Variants in COX16 observed in about 807,000 individuals in gnomAD.
The protein encoded by COX16 is cytochrome c oxidase assembly protein COX16 homolog, mitochondrial.
A neutral mutation model predicts 15.4 loss-of-function variants in COX16; 12 were observed. That is an observed-to-expected ratio of 0.78 (90% CI 0.50 to 1.26). The LOEUF is 1.26. COX16 is among the 50% of genes most tolerant of loss of function. COX16 has a pLI of 0.00. For synonymous variants in COX16, 46 were observed against 41.1 expected, an observed-to-expected ratio of 1.12 and a Z score of -0.46; for missense variants, 124 against 127.6, an observed-to-expected ratio of 0.97 and a Z score of 0.14.
intron 1 of COX16, among the ~76,000 whole-genome samples, chr14:70,343,629 G>A (rs1439822260): frequency 1.3e-5 from 2 of 152,124 alleles, no homozygotes; most frequent in Non-Finnish European, 2.9e-5. Flanking sequence ...GGCTATACAG[G>A]TCACAGGTAA....
At chr14:70,359,451 C>T in intron 1 of COX16, 68 bp downstream of exon 1, 1 of 1,398,656 alleles carries the variant, frequency 7.1e-7, no homozygotes. Flanking sequence ...CAGATTCCCT[C>T]CCAGGTCTTG....
chr14:70,332,038 T>A (rs1374746074), intron 2 of COX16, among the ~76,000 whole-genome samples: 1 of 152,240 alleles, frequency 6.6e-6, no homozygotes, highest in Admixed American at 6.5e-5. Context: ...AGTTCAAGCC[T>A]GGAAACAGCC....
chr14:70,329,052 T>A (rs56128802), intron 3 of COX16, 122 bp downstream of exon 3: 641,502 of 749,212 alleles, frequency 0.86, 274,974 homozygotes, highest in African/African-American at 0.91. Flanking sequence ...TTTCAAATGA[T>A]TATAGTTTAT....
chr14:70,356,947 T>C (rs1213082736), intron 1 of COX16, among the ~76,000 whole-genome samples: 7 of 151,996 alleles, frequency 4.6e-5, no homozygotes, highest in Admixed American at 1.3e-4. Context: ...GTAACAACCA[T>C]GAAAACCAAC....
intron 1 of COX16, among the ~76,000 whole-genome samples, chr14:70,350,054 A>T (rs549969911): frequency 1.3e-5 from 2 of 152,296 alleles, no homozygotes; most frequent in East Asian, 3.9e-4. Flanking sequence ...TTATTGAGAA[A>T]GTCATCCCTT....
intron 2 of COX16, among the ~76,000 whole-genome samples, chr14:70,334,539 C>A (rs566162544): frequency 1.6e-3 from 244 of 152,216 alleles, no homozygotes; most frequent in Non-Finnish European, 2.5e-3. Flanking sequence ...ATTGTAACAT[C>A]AAAAATTCAA....
At chr14:70,336,663 A>G (rs999287910) in intron 2 of COX16, among the ~76,000 whole-genome samples, 1 of 152,220 alleles carries the variant, frequency 6.6e-6, no homozygotes, top group Non-Finnish European at 1.5e-5. Context: ...CGAGGAACTG[A>G]CTGTATTATT....
At chr14:70,339,167 T>G (rs1433180346) in intron 2 of COX16, among the ~76,000 whole-genome samples, 1 of 152,220 alleles carries the variant, frequency 6.6e-6, no homozygotes, top group Non-Finnish European at 1.5e-5. Context: ...GTACTTATAT[T>G]GCACACTTAA....
At chr14:70,346,612 G>A (rs939702935) in intron 1 of COX16, among the ~76,000 whole-genome samples, 3 of 152,216 alleles carry the variant, frequency 2.0e-5, no homozygotes, top group Admixed American at 6.5e-5. Context: ...TGGAATGGAT[G>A]CCCCGGCAAC....
At chr14:70,353,394 T>A (rs578109376) in intron 1 of COX16, among the ~76,000 whole-genome samples, 33 of 148,628 alleles carry the variant, frequency 2.2e-4, no homozygotes, top group African/African-American at 5.9e-4. Context: ...ATATATAATT[T>A]TATATATATA....
chr14:70,359,605 G>GGCT lies in COX16; in HGVS notation c.-21_-19dup. 6.2e-7 allele frequency: 1 copy of GGCT among 1,613,178 alleles called. No individual in the cohort carries two copies. Among genetic ancestry groups the GGCT allele is most frequent in the African/African-American group, 1.3e-5 (1 of 75,006 alleles). ...GCAAACATGAGTGAACTCTTCCATC[G>GGCT]GCTCAGAACTCCAAGCGGGCCTAGC... On this transcript the variant is annotated 5_prime_UTR_variant, in exon 1 of 4. Transcript: ENST00000389912.
intron 2 of COX16, among the ~76,000 whole-genome samples, chr14:70,339,572 C>A (rs1451280399): frequency 6.6e-6 from 1 of 152,150 alleles, no homozygotes; most frequent in Non-Finnish European, 1.5e-5. Flanking sequence ...ACAGTGTCAA[C>A]CCCCCTTGAC....
At chr14:70,332,469 G>C (rs1566597735) in intron 2 of COX16, among the ~76,000 whole-genome samples, 2 of 152,102 alleles carry the variant, frequency 1.3e-5, no homozygotes, top group Non-Finnish European at 2.9e-5. Flanking sequence ...CAGCTCTCTA[G>C]CCTCCAGGCC....
chr14:70,327,262 G>A (rs1045123912), intron 3 of COX16, among the ~76,000 whole-genome samples: 1 of 152,122 alleles, frequency 6.6e-6, no homozygotes, highest in Non-Finnish European at 1.5e-5. Context: ...TTACTAACTA[G>A]CTATATAACC....
intron 2 of COX16, among the ~76,000 whole-genome samples, chr14:70,338,444 AAATC>A (rs1183204115): frequency 6.6e-6 from 1 of 152,102 alleles, no homozygotes; most frequent in East Asian, 1.9e-4. Flanking sequence ...AATTTTTTCT[AAATC>A]AAGTACCTAA....
At chr14:70,342,847 T>C in intron 1 of COX16, 118 bp from the exon 2 acceptor site, 1 of 1,050,106 alleles carries the variant, frequency 9.5e-7, no homozygotes, top group Non-Finnish European at 1.4e-6. Flanking sequence ...ATTCTATAGA[T>C]TATTTTTCCT....
At chr14:70,346,289 A>G (rs913944712) in intron 1 of COX16, among the ~76,000 whole-genome samples, 1 of 152,232 alleles carries the variant, frequency 6.6e-6, no homozygotes, top group Non-Finnish European at 1.5e-5. Flanking sequence ...GTAAAAGGCA[A>G]AAACAGGCGG....
intron 2 of COX16, among the ~76,000 whole-genome samples, chr14:70,331,649 TA>T (rs1442409822): frequency 1.3e-5 from 2 of 152,172 alleles, no homozygotes; most frequent in African/African-American, 4.8e-5. Flanking sequence ...CAATACAAAG[TA>T]TTTGGAGCCT....
chr14:70,331,766 ATTCCTTT>A, intron 2 of COX16, among the ~76,000 whole-genome samples: 1 of 12,632 alleles, frequency 7.9e-5, no homozygotes, highest in Non-Finnish European at 1.9e-4. Flanking sequence ...TAATCTAGCA[ATTCCTTT>A]TTGTACATGT....
Sources: gnomAD v4.1 joint callset for allele counts (sites outside exome capture counted in the v4.1 genomes callset) on GRCh38, gnomAD v4.1.1 for gene constraint, MANE v1.5 for transcripts, NCBI Gene and HGNC (gene_info 2026-07-23, HGNC 2026-07-21) for gene names.